CNOT8: variants seen among roughly 807,000 people sequenced by gnomAD.
CNOT8 encodes CAF1-like protein.
A neutral mutation model predicts 34.6 loss-of-function variants in CNOT8; 18 were observed. The ratio of observed to expected loss-of-function variants is 0.52; its 90% confidence interval spans 0.36 to 0.77. The LOEUF (loss-of-function observed/expected upper bound fraction) is 0.77. CNOT8 is among the 30% of genes least tolerant of loss of function. The pLI is 0.00. For missense variants in CNOT8, 189 were observed against 347.9 expected, an observed-to-expected ratio of 0.54 and a Z score of 3.63; for synonymous variants, 101 against 118.8, an observed-to-expected ratio of 0.85 and a Z score of 0.98.
At chr5:154,872,260 AGAGTGG>A (rs1762558073) in intron 5 of CNOT8, among the ~76,000 whole-genome samples, 1 of 152,252 alleles carries the variant, frequency 6.6e-6, no homozygotes, top group Non-Finnish European at 1.5e-5. Flanking sequence ...GTCTAGAATT[AGAGTGG>A]GATTTACTAT....
At chr5:154,873,421 G>A (rs1582626514) in intron 6 of CNOT8, among the ~76,000 whole-genome samples, 1 of 152,068 alleles carries the variant, frequency 6.6e-6, no homozygotes, top group African/African-American at 2.4e-5. Context: ...TCTGATTCCT[G>A]TAATAGAAAT....
At chr5:154,869,432 T>TG (rs1174796890) in intron 3 of CNOT8, among the ~76,000 whole-genome samples, 1 of 150,702 alleles carries the variant, frequency 6.6e-6, no homozygotes, top group African/African-American at 2.4e-5. Context: ...TTGGTTTTTT[T>TG]TTTTTTTTTT....
intron 6 of CNOT8, among the ~76,000 whole-genome samples, chr5:154,873,760 A>G (rs191432143): frequency 9.2e-5 from 14 of 152,320 alleles, no homozygotes; most frequent in Admixed American, 2.6e-4. Flanking sequence ...ATTATAAACA[A>G]CTGTTACCAT....
At chr5:154,869,109 T>C (rs920130923) in intron 3 of CNOT8, among the ~76,000 whole-genome samples, 43 of 152,154 alleles carry the variant, frequency 2.8e-4, no homozygotes, top group Non-Finnish European at 3.8e-4. Flanking sequence ...TGCCTCAATA[T>C]TTTTTTGTTG....
Position 154,871,913 on chromosome 5 carries a change from G to A in CNOT8, c.618+39G>A, listed in dbSNP as rs541527792. 1.0e-4 allele frequency: 157 copies of A among 1,575,050 alleles called. 1 individual carries two copies. In the South Asian group the frequency reaches 1.7e-3, roughly 17 times the overall value. On this transcript the variant is annotated intron_variant, in intron 5 of 6. Transcript: ENST00000285896. ...TTCTTAATACCAGTAACAAAAAGAAGGACAGAAAAAAAGCTGACTTTGCTT... is the reference window on the plus strand; with the variant it reads ...TTCTTAATACCAGTAACAAAAAGAAAGACAGAAAAAAAGCTGACTTTGCTT...
In CNOT8 at chr5:154,875,650, C is replaced by CT. The variant is rs542005038; in HGVS notation, c.*213dup. ...GTTTGCTCTGAATTTGTAAATAAGT[C>CT]TTCCCCATTCCTCATACTCGAGCCT... On this transcript the variant is annotated 3_prime_UTR_variant, in exon 7 of 7. Transcript: ENST00000285896. 121 of 529,296 alleles carry CT rather than the reference C, an allele frequency of 2.3e-4. 1 individual carries two copies. The highest frequency in any genetic ancestry group is 2.2e-3 in the African/African-American group (115 of 51,974). 32.8% of individuals were successfully genotyped at this position (529,296 alleles called of 1,614,324 possible).
intron 6 of CNOT8, among the ~76,000 whole-genome samples, chr5:154,874,216 G>A (rs1361102007): frequency 6.6e-6 from 1 of 152,018 alleles, no homozygotes; most frequent in Non-Finnish European, 1.5e-5. Flanking sequence ...AAGAATACAT[G>A]GAAAGTATGT....
chr5:154,861,475 G>T (rs1185892002), intron 1 of CNOT8, among the ~76,000 whole-genome samples: 1 of 152,208 alleles, frequency 6.6e-6, no homozygotes, highest in Non-Finnish European at 1.5e-5. Flanking sequence ...TTAGAGAAAT[G>T]ATGCCAGTTT....
At chr5:154,859,575 T>C (rs973753881) in intron 1 of CNOT8, 20 of 152,364 alleles carry the variant, frequency 1.3e-4, no homozygotes, top group African/African-American at 2.2e-4. Context: ...TTCTATCATA[T>C]CTATGCACGG....
upstream of CNOT8, chr5:154,858,510 T>C (rs1363323875): frequency 1.3e-5 from 2 of 151,960 alleles, no homozygotes; most frequent in East Asian, 3.9e-4. Context: ...GCGTCTGGAG[T>C]GACTCTAGAG....
intron 3 of CNOT8, chr5:154,870,313 G>A (rs1762369915): frequency 6.0e-6 from 1 of 166,186 alleles, no homozygotes; most frequent in Admixed American, 6.4e-5. Context: ...GGAACTCCTG[G>A]TCTGAAGTGA....
At chr5:154,870,390 G>GT (rs59523415) in intron 3 of CNOT8, 8,345 of 202,360 alleles carry the variant, frequency 0.041, 91 homozygotes, top group East Asian at 0.07. Context: ...GGTGTTATTG[G>GT]TTTTTTTTTT....
At chr5:154,863,653 AATGG>A (rs1318916225) in intron 2 of CNOT8, among the ~76,000 whole-genome samples, 18 of 152,208 alleles carry the variant, frequency 1.2e-4, no homozygotes, top group African/African-American at 4.1e-4. Context: ...TTTTGAAAAG[AATGG>A]GTATGTTCCA....
intron 3 of CNOT8, among the ~76,000 whole-genome samples, chr5:154,867,971 C>G (rs952968439): frequency 6.6e-6 from 1 of 152,056 alleles, no homozygotes; most frequent in African/African-American, 2.4e-5. Flanking sequence ...GAGTCTTGCT[C>G]TGTCACCCAG....
chr5:154,870,280 C>T (rs1762365588), intron 3 of CNOT8, among the ~76,000 whole-genome samples: 1 of 151,470 alleles, frequency 6.6e-6, no homozygotes, highest in East Asian at 1.9e-4. Flanking sequence ...GACGGAGTCT[C>T]ACTCTGTCAC....
chr5:154,866,982 AT>A (rs1410542591), intron 3 of CNOT8, among the ~76,000 whole-genome samples: 2 of 151,996 alleles, frequency 1.3e-5, no homozygotes, highest in South Asian at 2.1e-4. Context: ...CAAAAAAAAA[AT>A]GTTTATTTAA....
chr5:154,858,505 T>A (rs1349722387), upstream of CNOT8: 1 of 152,086 alleles, frequency 6.6e-6, no homozygotes, highest in African/African-American at 2.4e-5. Flanking sequence ...CGCGCGCGTC[T>A]GGAGTGACTC....
At position 154,875,629 on chromosome 5, in the gene CNOT8, G is replaced by T. The variant is rs1380073311; in HGVS notation, c.*190G>T. On this transcript the variant is annotated 3_prime_UTR_variant, in exon 7 of 7. Transcript: ENST00000285896. ...TTTTAGACCCAGAAGAGAGGAGTTTGCTCTGAATTTGTAAATAAGTCTTCC... is the reference window on the plus strand; with the variant it reads ...TTTTAGACCCAGAAGAGAGGAGTTTTCTCTGAATTTGTAAATAAGTCTTCC... 5 of 608,362 alleles carry T rather than the reference G, an allele frequency of 8.2e-6. No homozygotes were observed. Among genetic ancestry groups the T allele is most frequent in the African/African-American group, 1.9e-5 (1 of 53,218 alleles). The allele number at this position is 608,362 out of a possible 1,614,324, so 37.7% of individuals were successfully genotyped here.
intron 3 of CNOT8, among the ~76,000 whole-genome samples, chr5:154,865,700 A>G (rs755319970): frequency 2.6e-5 from 4 of 152,254 alleles, no homozygotes; most frequent in African/African-American, 7.2e-5. Flanking sequence ...TAGAATGGCT[A>G]TAGTCAAAAA....
Sources: gnomAD v4.1 joint callset for allele counts (sites outside exome capture counted in the v4.1 genomes callset) on GRCh38, gnomAD v4.1.1 for gene constraint, MANE v1.5 for transcripts, NCBI Gene and HGNC (gene_info 2026-07-23, HGNC 2026-07-21) for gene names.